The following FAM13C variants were observed in gnomAD, a reference collection of about 807,000 sequenced individuals.
FAM13C encodes family with sequence similarity 13 member C.
In FAM13C, 37 loss-of-function variants were observed where a neutral mutation model predicts 73.2. That is an observed-to-expected ratio of 0.51 (90% confidence interval 0.39 to 0.67). FAM13C has a LOEUF of 0.67. Among genes scored for constraint, FAM13C ranks in the 30% least tolerant of loss-of-function variants. The pLI, the probability that FAM13C is intolerant of heterozygous loss-of-function variation, is 0.00. For missense variants in FAM13C, 589 were observed against 715.6 expected, an observed-to-expected ratio of 0.82 and a Z score of 2.02; for synonymous variants, 246 against 260.9, an observed-to-expected ratio of 0.94 and a Z score of 0.55.
chr10:59,332,334 A>T (rs1852107295), intron 3 of FAM13C, among the ~76,000 whole-genome samples: 1 of 152,080 alleles, frequency 6.6e-6, no homozygotes, highest in Admixed American at 6.6e-5. Flanking sequence ...GAATTGTTTA[A>T]TGAGTATGTG....
intron 8 of FAM13C, among the ~76,000 whole-genome samples, chr10:59,266,174 CA>C (rs543636967): frequency 6.6e-6 from 1 of 152,168 alleles, no homozygotes; most frequent in Non-Finnish European, 1.5e-5. Context: ...TCAGATAAGA[CA>C]AAAGACTGAT....
At chr10:59,251,750 T>C in intron 12 of FAM13C, 74 bp from the exon 13 acceptor site, 2 of 1,158,870 alleles carry the variant, frequency 1.7e-6, no homozygotes, top group Non-Finnish European at 2.4e-6. Flanking sequence ...GATTTATCTG[T>C]TCAGCCAAAA....
At chr10:59,261,663 GCTGTGATAGGGTAGTTGCAT>G (rs1443328294) in intron 10 of FAM13C, among the ~76,000 whole-genome samples, 1 of 152,064 alleles carries the variant, frequency 6.6e-6, no homozygotes, top group Non-Finnish European at 1.5e-5. Flanking sequence ...GATAGTTAGA[GCTGTGATAGGGTAGTTGCAT>G]CTGTTATTCG....
intron 5 of FAM13C, chr10:59,300,907 T>A (rs1487671932): frequency 6.6e-6 from 1 of 152,258 alleles, no homozygotes. Context: ...CATTCAGCTG[T>A]ATACCTATGA....
At chr10:59,251,792 T>A in intron 12 of FAM13C, 116 bp from the exon 13 acceptor site, 4 of 757,046 alleles carry the variant, frequency 5.3e-6, no homozygotes, top group Non-Finnish European at 8.5e-6. Flanking sequence ...GTTCCCATCA[T>A]AAGAGTATCT....
At position 59,351,844 on chromosome 10, in the gene FAM13C, A is replaced by C. The variant is rs538486311; in HGVS notation, c.324+426T>G. 2.6e-5 allele frequency among the ~76,000 whole-genome samples: 4 copies of C among 152,102 alleles called. No homozygotes were observed. In the East Asian group the frequency reaches 5.8e-4, roughly 22 times the overall value. ...CCCTGTCTCTACTAAAAATACAAAA[A>C]AATTAGCCAGGCATGGTGGCAGGCG... On this transcript the variant is annotated intron_variant, in intron 3 of 13. Coordinates refer to ENST00000618804, the MANE Select transcript of FAM13C (RefSeq NM_198215.4).
chr10:59,255,695 A>C (rs2133398581), intron 10 of FAM13C, among the ~76,000 whole-genome samples: 1 of 152,252 alleles, frequency 6.6e-6, no homozygotes, highest in East Asian at 1.9e-4. Context: ...GTCTCCCTTG[A>C]AAGAAAAGAA....
intron 12 of FAM13C, 33 bp downstream of exon 12, chr10:59,252,766 A>G: frequency 6.2e-7 from 1 of 1,603,496 alleles, no homozygotes. Context: ...GAAGGAGTTA[A>G]GAGGAGACTC....
chr10:59,264,046 T>C (rs765874528), intron 9 of FAM13C, 39 bp downstream of exon 9: 34 of 1,582,280 alleles, frequency 2.1e-5, no homozygotes, highest in African/African-American at 4.0e-5. Flanking sequence ...GTTTAACTGC[T>C]TCCTTTGTGA....
chr10:59,333,260 G>A lies in FAM13C; in HGVS notation c.325-9154C>T, dbSNP rs369401383. On this transcript the variant is annotated intron_variant, in intron 3 of 13. Coordinates refer to ENST00000618804, the MANE Select transcript of FAM13C (RefSeq NM_198215.4). ...CTTGCACTTTGAGAGGCCGAGGCAT[G>A]CAGATCACCTGAGTTCAGGAGTTTG... Among the ~76,000 whole-genome samples the A allele has an allele frequency of 8.7e-4, 133 of 152,294 alleles. 1 individual carries two copies. The highest frequency in any genetic ancestry group is 3.1e-3 in the African/African-American group (128 of 41,562).
chr10:59,360,982 A>G, intron 1 of FAM13C: 1 of 1,281,018 alleles, frequency 7.8e-7, no homozygotes, highest in Non-Finnish European at 1.0e-6. Flanking sequence ...CGGGGCCAGA[A>G]AGCACTTAGT....
intron 3 of FAM13C, among the ~76,000 whole-genome samples, chr10:59,340,728 T>A (rs1032100666): frequency 2.0e-5 from 3 of 151,868 alleles, no homozygotes; most frequent in African/African-American, 4.8e-5. Context: ...TGAAAAAAAA[T>A]AAATAAAATA....
At chr10:59,285,379 CA>C (rs1845435230) in intron 5 of FAM13C, among the ~76,000 whole-genome samples, 1 of 145,286 alleles carries the variant, frequency 6.9e-6, no homozygotes, top group Non-Finnish European at 1.5e-5. Flanking sequence ...ATTTAGTAAA[CA>C]AGCAGCTGGG....
chr10:59,273,370 G>A (rs1052286560), intron 6 of FAM13C, among the ~76,000 whole-genome samples: 5 of 152,022 alleles, frequency 3.3e-5, no homozygotes, highest in Non-Finnish European at 7.4e-5. Flanking sequence ...GTTGAATATT[G>A]TCTTCTCTTA....
In FAM13C at chr10:59,246,598, G is replaced by T. The variant is rs1311359047; in HGVS notation, c.*1016C>A. On this transcript the variant is annotated 3_prime_UTR_variant, in exon 14 of 14. Transcript: ENST00000618804. ...GTTTTCGTATAAAATAACACAAAAT[G>T]ATATACACTGAAGTTGATGAAGCAA... is the stretch of plus-strand genomic sequence containing the variant. 2.5e-6 allele frequency: 1 copy of T among 397,340 alleles called. No individual in the cohort carries two copies. The highest frequency in any genetic ancestry group is 4.4e-6 in the Non-Finnish European group (1 of 225,054). The allele number at this position is 397,340 out of a possible 1,614,324, so 24.6% of individuals were successfully genotyped here.
chr10:59,302,342 C>A (rs1217055158), intron 5 of FAM13C, among the ~76,000 whole-genome samples: 1 of 152,126 alleles, frequency 6.6e-6, no homozygotes, highest in East Asian at 1.9e-4. Flanking sequence ...TACGGCTTCA[C>A]GTCTTGAAGT....
intron 3 of FAM13C, among the ~76,000 whole-genome samples, chr10:59,339,380 T>C (rs758406884): frequency 1.4e-5 from 2 of 147,476 alleles, no homozygotes; most frequent in Non-Finnish European, 3.0e-5. Context: ...TTCCCTCTTA[T>C]GGTAAAAGTT....
intron 4 of FAM13C, among the ~76,000 whole-genome samples, chr10:59,317,722 T>C (rs1217821005): frequency 6.6e-6 from 1 of 152,142 alleles, no homozygotes; most frequent in African/African-American, 2.4e-5. Context: ...ATCTGCTTGA[T>C]GTAAATAGTG....
Position 59,246,696 on chromosome 10 carries a change from T to C in FAM13C, c.*918A>G, listed in dbSNP as rs780926826. ...AAACTTTTCATTTTGTACAGAAGGA[T>C]GAATAACTACAGCTCATGGGAAATG... On this transcript the variant is annotated 3_prime_UTR_variant, in exon 14 of 14. Coordinates refer to ENST00000618804, the MANE Select transcript of FAM13C (RefSeq NM_198215.4). 1.3e-5 allele frequency: 5 copies of C among 397,382 alleles called. No homozygotes were observed. The South Asian group carries it at 6.4e-4, about 51-fold the overall frequency. The allele number at this position is 397,382 out of a possible 1,614,324, so 24.6% of individuals were successfully genotyped here.
Sources: gnomAD v4.1 joint callset for allele counts (sites outside exome capture counted in the v4.1 genomes callset) on GRCh38, gnomAD v4.1.1 for gene constraint, MANE v1.5 for transcripts, NCBI Gene and HGNC (gene_info 2026-07-23, HGNC 2026-07-21) for gene names.